Variants in KIAA1614 observed in about 807,000 individuals in gnomAD.
The protein encoded by KIAA1614 is uncharacterized protein KIAA1614.
A neutral mutation model predicts 88.7 loss-of-function variants in KIAA1614; 76 were observed. The observed-to-expected ratio is 0.86, with a 90% CI of 0.71 to 1.04. The LOEUF is 1.04. KIAA1614 is among the 50% of genes least tolerant of loss of function. The pLI, the probability that KIAA1614 is intolerant of heterozygous loss-of-function variation, is 0.00. For missense variants in KIAA1614, 1,553 were observed against 1,582.5 expected (o/e 0.98, Z 0.32); for synonymous variants, 714 against 675.5 (o/e 1.06, Z -0.88).
chr1:180,913,342 C>T lies in KIAA1614; in HGVS notation c.50+49C>T, dbSNP rs560642843. 9 of 1,195,606 alleles carry T rather than the reference C, an allele frequency of 7.5e-6. No individual in the cohort carries two copies. The Admixed American group carries it at 3.8e-4, about 51-fold the overall frequency. 74.1% of individuals were successfully genotyped at this position (1,195,606 alleles called of 1,614,324 possible). ...GGGCCGGCCGGGCGGGGGTGGCGGACCGGCGGGGCGGAGGAGCGGGGAGCC... is the reference window on the plus strand; with the variant it reads ...GGGCCGGCCGGGCGGGGGTGGCGGATCGGCGGGGCGGAGGAGCGGGGAGCC... On this transcript the variant is annotated intron_variant, in intron 1 of 8. Coordinates refer to ENST00000367588, the MANE Select transcript of KIAA1614 (RefSeq NM_020950.2).
At chr1:180,931,783 C>T (rs988629496) in intron 4 of KIAA1614, among the ~76,000 whole-genome samples, 8 of 152,166 alleles carry the variant, frequency 5.3e-5, no homozygotes, top group Admixed American at 3.9e-4. Flanking sequence ...AGATTAGGAC[C>T]GCACTGCCTT....
chr1:180,913,316 C>T (rs766252946), intron 1 of KIAA1614, 23 bp downstream of exon 1: 1 of 1,238,470 alleles, frequency 8.1e-7, no homozygotes, highest in Non-Finnish European at 1.0e-6. Context: ...GAGGCAGCGC[C>T]GGGCCGGCCG....
Position 180,941,229 on chromosome 1 carries a change from G to A in KIAA1614, c.3103G>A (p.Ala1035Thr), listed in dbSNP as rs376652402. 7.8e-5 allele frequency: 126 copies of A among 1,613,608 alleles called. No individual in the cohort carries two copies. In the Admixed American group the frequency reaches 7.8e-4, roughly 10 times the overall value. ...RSYSVEQLQP[A>T]PPGLTSQSRA... ...CTACAGTGTGGAGCAGTTGCAGCCC[G>A]CCCCGCCTGGCCTGACGTCACAGTC... The change falls in exon 7 of 9, where the codon GCC (alanine) becomes ACC (threonine). Residue 1035 changes from alanine to threonine, a missense_variant. Coordinates refer to ENST00000367588, the MANE Select transcript of KIAA1614 (RefSeq NM_020950.2).
At chr1:180,939,143 G>A (rs1654397944) in intron 6 of KIAA1614, among the ~76,000 whole-genome samples, 1 of 152,136 alleles carries the variant, frequency 6.6e-6, no homozygotes, top group Non-Finnish European at 1.5e-5. Context: ...GGAAGGGTGG[G>A]GACCGAGTCC....
In KIAA1614 at chr1:180,917,004, C is replaced by T. The variant is rs79485039; in HGVS notation, c.901C>T (p.Arg301Cys). 0.028 allele frequency: 45,706 copies of T among 1,614,028 alleles called. 820 individuals carry two copies. Among genetic ancestry groups the T allele is most frequent in the South Asian group, 0.04 (3,646 of 91,086 alleles). The change falls in exon 2 of 9, where the codon CGC becomes TGC. Residue 301 changes from arginine (R) to cysteine (C), a missense_variant. Arg to Cys is a radical substitution (Grantham distance 180, BLOSUM62 -3). Coordinates refer to ENST00000367588, the MANE Select transcript of KIAA1614 (RefSeq NM_020950.2). Reference protein sequence around the residue: ...LSLSDRVERNRLLLQEMLNVS... With the variant: ...LSLSDRVERNCLLLQEMLNVS... The stretch of plus-strand genomic sequence containing the variant: ...CCTGTCTGATCGGGTGGAGAGAAAC[C>T]GCCTGTTGCTGCAGGAGATGCTCAA...
chr1:180,913,168 C>T lies in KIAA1614; in HGVS notation c.-76C>T. 1 of 1,135,620 alleles carries T rather than the reference C, an allele frequency of 8.8e-7. No individual in the cohort carries two copies. The allele number at this position is 1,135,620 out of a possible 1,614,324, so 70.3% of individuals were successfully genotyped here. ...ACTCCCTCCGGCCCCGGATTCGGGGCTGGAAGTCCCTCCCCGAACCCAGCA... is the reference window on the plus strand; with the variant it reads ...ACTCCCTCCGGCCCCGGATTCGGGGTTGGAAGTCCCTCCCCGAACCCAGCA... On this transcript the variant is annotated 5_prime_UTR_variant, in exon 1 of 9. Coordinates refer to ENST00000367588, the MANE Select transcript of KIAA1614 (RefSeq NM_020950.2).
chr1:180,941,345 A>G (rs1045962834), intron 7 of KIAA1614, 60 bp downstream of exon 7: 14 of 1,543,562 alleles, frequency 9.1e-6, no homozygotes, highest in Non-Finnish European at 1.2e-5. Flanking sequence ...CACCATCAGA[A>G]TGAAAAGTGA....
At chr1:180,942,191 G>A (rs550883246) in intron 7 of KIAA1614, among the ~76,000 whole-genome samples, 1 of 152,308 alleles carries the variant, frequency 6.6e-6, no homozygotes, top group East Asian at 1.9e-4. Context: ...AGGGAACAAC[G>A]CTTGATCTTT....
At chr1:180,929,531 G>C (rs954233553) in intron 4 of KIAA1614, among the ~76,000 whole-genome samples, 7 of 152,228 alleles carry the variant, frequency 4.6e-5, no homozygotes, top group Admixed American at 1.3e-4. Context: ...ATTTCATAAT[G>C]CTACAGCCGT....
At position 180,935,816 on chromosome 1, in the gene KIAA1614, C is replaced by T. The variant is rs113108579; in HGVS notation, c.1907C>T (p.Ala636Val). Residue 636 changes from alanine to valine, a missense_variant, in exon 5 of 9, where the codon GCG becomes GTG. Physicochemically the swap from Ala to Val is moderately conservative, Grantham distance 64. Coordinates refer to ENST00000367588, the MANE Select transcript of KIAA1614 (RefSeq NM_020950.2). This position sits in a 1 kb window ranked among gnomAD's most constrained non-coding sequence, Gnocchi z 6.1. ...EEAGTSQAGW[A>V]CGRTQGSSPR... is the part of the protein sequence containing the mutation. ...GCGGGGACCTCTCAGGCTGGCTGGG[C>T]GTGTGGGCGGACCCAAGGCAGCAGC... 2,612 of 1,613,634 alleles carry T rather than the reference C, an allele frequency of 1.6e-3. 42 individuals are homozygous for T. The African/African-American group carries it at 0.032, about 20-fold the overall frequency.
intron 7 of KIAA1614, among the ~76,000 whole-genome samples, chr1:180,942,486 G>A (rs1558073064): frequency 6.6e-6 from 1 of 152,194 alleles, no homozygotes; most frequent in South Asian, 2.1e-4. Flanking sequence ...AAGAGGATGC[G>A]GACTGAATGA....
chr1:180,935,906 A>C lies in KIAA1614; in HGVS notation c.1997A>C (p.Glu666Ala). Reference sequence around the variant, plus strand: ...AGGTGGTCCAAGAAGGCTGAGGCGGAGCTCCCTTGGGGCCTTCAGGCCCAG... The same window carrying C: ...AGGTGGTCCAAGAAGGCTGAGGCGGCGCTCCCTTGGGGCCTTCAGGCCCAG... ...GHRWSKKAEA[E>A]LPWGLQAQQH... Residue 666 changes from glutamate (E) to alanine (A), a missense_variant, in exon 5 of 9, where the codon GAG (glutamate) becomes GCG (alanine). Coordinates refer to ENST00000367588, the MANE Select transcript of KIAA1614 (RefSeq NM_020950.2). This position sits in a 1 kb window ranked among gnomAD's most constrained non-coding sequence, Gnocchi z 6.1. 2 of 1,613,894 alleles carry C rather than the reference A, an allele frequency of 1.2e-6. No individual in the cohort carries two copies. Among genetic ancestry groups the C allele is most frequent in the Admixed American group, 1.7e-5 (1 of 60,024 alleles).
At chr1:180,938,534 G>T (rs775750175) in intron 5 of KIAA1614, 21 bp from the exon 6 acceptor site, 1 of 1,612,358 alleles carries the variant, frequency 6.2e-7, no homozygotes, top group East Asian at 2.2e-5. Context: ...TGACTCAGGT[G>T]GGATGCTGTG....
rs772340433 is a variant in KIAA1614 at position 180,941,146 on chromosome 1, A to T, written c.3020A>T (p.Lys1007Ile). The stretch of plus-strand genomic sequence containing the variant: ...AGCATAGCCTCCACCCTGGGGCTGA[A>T]AAAGCTCTTCTCAGCCCTGGGCCAG... The part of the protein sequence containing the change: ...SSSIASTLGL[K>I]KLFSALGQSS... Residue 1007 changes from lysine to isoleucine, a missense_variant, in exon 7 of 9, where the codon AAA (lysine) becomes ATA (isoleucine). Lys to Ile is a moderately radical substitution (Grantham distance 102). Transcript: ENST00000367588. 5 of 1,613,680 alleles carry T rather than the reference A, an allele frequency of 3.1e-6. No homozygotes were observed. The highest frequency in any genetic ancestry group is 1.7e-6 in the Non-Finnish European group (2 of 1,179,914).
intron 3 of KIAA1614, among the ~76,000 whole-genome samples, chr1:180,923,459 T>G (rs1466383388): frequency 1.3e-5 from 2 of 152,184 alleles, no homozygotes; most frequent in Admixed American, 6.5e-5. Flanking sequence ...CCGTATTTAT[T>G]AGATCACAGA....
At chr1:180,945,223 C>T (rs576386320) in intron 8 of KIAA1614, 80 bp from the exon 9 acceptor site, 74 of 1,438,650 alleles carry the variant, frequency 5.1e-5, no homozygotes, top group East Asian at 1.0e-4. Context: ...TGTGAGGCAT[C>T]GGTCATCTGT....
chr1:180,934,143 A>C (rs1654261374), intron 4 of KIAA1614, among the ~76,000 whole-genome samples: 1 of 151,606 alleles, frequency 6.6e-6, no homozygotes. Context: ...AATCCCAGCT[A>C]CTCGGGAGGC....
At chr1:180,944,593 C>G in intron 8 of KIAA1614, 77 bp downstream of exon 8, 1 of 1,499,642 alleles carries the variant, frequency 6.7e-7, no homozygotes, top group Non-Finnish European at 9.1e-7. Context: ...TCCTTCCTGC[C>G]TCAGCATCAT....
At chr1:180,928,392 C>A (rs1235179227) in intron 3 of KIAA1614, 38 bp from the exon 4 acceptor site, 1 of 1,487,946 alleles carries the variant, frequency 6.7e-7, no homozygotes, top group Non-Finnish European at 9.0e-7. Flanking sequence ...TTCCTCTAAT[C>A]CCTCCCCCAC....
Sources: allele counts gnomAD v4.1 joint callset (sites outside exome capture counted in the v4.1 genomes callset), GRCh38; gene constraint gnomAD v4.1.1; non-coding constraint Gnocchi (gnomAD v3.1); transcripts MANE v1.5; gene names NCBI Gene and HGNC (gene_info 2026-07-23, HGNC 2026-07-21).